LDB3: variants seen among roughly 807,000 people sequenced by gnomAD.
LDB3 encodes the protein LIM domain-binding protein 3.
In LDB3, 49 loss-of-function variants were observed where a neutral mutation model predicts 69.0. That is an observed-to-expected ratio of 0.71 (90% CI 0.56 to 0.90). The LOEUF is 0.90. LDB3 is among the 40% of genes least tolerant of loss of function. The probability of loss-of-function intolerance (pLI) is 0.00; values close to 1 mark genes in which losing one functional copy is unlikely to be tolerated. For synonymous variants in LDB3, 387 were observed against 396.2 expected (o/e 0.98, Z 0.28); for missense variants, 928 against 974.1 (o/e 0.95, Z 0.63).
chr10:86,687,596 C>G (rs527408377), intron 5 of LDB3, among the ~76,000 whole-genome samples: 25 of 152,344 alleles, frequency 1.6e-4, no homozygotes, highest in Non-Finnish European at 3.1e-4. Context: ...ACAAGGGGAC[C>G]ATTCTGGAGG....
chr10:86,685,587 T>A, intron 5 of LDB3: 1 of 1,340,964 alleles, frequency 7.5e-7, no homozygotes, highest in South Asian at 1.2e-5. Context: ...GCCTCCACAA[T>A]GACCAGGCTG....
rs532350851 is a variant in LDB3 at position 86,702,103 on chromosome 10, G to A, written c.897-4428G>A. 2.0e-5 allele frequency among the ~76,000 whole-genome samples: 3 copies of A among 152,254 alleles called. No homozygotes were observed. The South Asian group carries it at 6.2e-4, about 32-fold the overall frequency. ...AAGGTGGAACATAGACCAGGTGGGTGGCAGCATGAATAATTTCAAGACCAA... is the reference window on the plus strand; with the variant it reads ...AAGGTGGAACATAGACCAGGTGGGTAGCAGCATGAATAATTTCAAGACCAA... On this transcript the variant is annotated intron_variant, in intron 7 of 13. Coordinates refer to ENST00000361373, the MANE Select transcript of LDB3 (RefSeq NM_007078.3).
chr10:86,670,985 C>T (rs1380771262), intron 2 of LDB3, among the ~76,000 whole-genome samples: 3 of 152,206 alleles, frequency 2.0e-5, no homozygotes, highest in African/African-American at 4.8e-5. Flanking sequence ...TGCCGGGGCT[C>T]GCAGGGCCCT....
intron 2 of LDB3, among the ~76,000 whole-genome samples, chr10:86,670,061 C>T (rs1346583841): frequency 6.6e-6 from 1 of 152,102 alleles, no homozygotes; most frequent in Non-Finnish European, 1.5e-5. Context: ...TTGAGGGGAC[C>T]CCAGAAGTAG....
In LDB3 at chr10:86,734,383, C is replaced by T. The variant is rs375424677; in HGVS notation, c.*1407C>T. On this transcript the variant is annotated 3_prime_UTR_variant, in exon 14 of 14. Transcript: ENST00000361373. ...ATTCTGTGGTTGGAAACAGTGTAGT[C>T]GCTTCCCTTTTTAGGAAGCCCTGTT... 1.3e-5 allele frequency: 2 copies of T among 152,254 alleles called. No individual in the cohort carries two copies. The highest frequency in any genetic ancestry group is 3.9e-4 in the East Asian group (2 of 5,172). The allele number at this position is 152,254 out of a possible 1,614,324, so 9.4% of individuals were successfully genotyped here.
chr10:86,672,827 G>C (rs1844563503), intron 2 of LDB3, among the ~76,000 whole-genome samples: 1 of 152,268 alleles, frequency 6.6e-6, no homozygotes, highest in African/African-American at 2.4e-5. Context: ...CCCTGGGCCA[G>C]GACACCGTGC....
At chr10:86,707,665 A>T (rs1314193803) in intron 8 of LDB3, among the ~76,000 whole-genome samples, 2 of 152,148 alleles carry the variant, frequency 1.3e-5, no homozygotes, top group Non-Finnish European at 2.9e-5. Flanking sequence ...TGGGGAGGAC[A>T]TGCCTCTTGG....
chr10:86,695,027 G>C (rs1287046509), intron 7 of LDB3, among the ~76,000 whole-genome samples: 1 of 152,236 alleles, frequency 6.6e-6, no homozygotes, highest in Non-Finnish European at 1.5e-5. Flanking sequence ...CCCCAGGAAG[G>C]CTTCCCTGTA....
intron 12 of LDB3, among the ~76,000 whole-genome samples, chr10:86,721,973 A>T (rs910790755): frequency 1.3e-4 from 20 of 152,242 alleles, no homozygotes; most frequent in African/African-American, 4.8e-4. Context: ...AAAGGGAGAA[A>T]TAAAGGAAGG....
In LDB3 at chr10:86,735,568, T is replaced by G. The variant is rs189498419; in HGVS notation, c.*2592T>G. On this transcript the variant is annotated 3_prime_UTR_variant, in exon 14 of 14. Coordinates refer to ENST00000361373, the MANE Select transcript of LDB3 (RefSeq NM_007078.3). Reference sequence around the variant, plus strand: ...GCCGAGGCAGGTGAATCACCTGAGGTCAGGAGTTTGAAACCAGCCTGGCCA... The same window carrying G: ...GCCGAGGCAGGTGAATCACCTGAGGGCAGGAGTTTGAAACCAGCCTGGCCA... The G allele has an allele frequency of 6.6e-6, 1 of 152,140 alleles. No homozygotes were observed. Among genetic ancestry groups the G allele is most frequent in the Non-Finnish European group, 1.5e-5 (1 of 68,010 alleles). The allele number at this position is 152,140 out of a possible 1,614,324, so 9.4% of individuals were successfully genotyped here.
chr10:86,709,197 GGGA>G (rs1299432942), intron 8 of LDB3, among the ~76,000 whole-genome samples: 3 of 152,326 alleles, frequency 2.0e-5, no homozygotes, highest in African/African-American at 7.2e-5. Flanking sequence ...TCAGCTCTCT[GGGA>G]GGAGAGGCCA....
At chr10:86,677,695 GGGAACTGGCC>G (rs1350715640) in intron 2 of LDB3, among the ~76,000 whole-genome samples, 1 of 152,168 alleles carries the variant, frequency 6.6e-6, no homozygotes, top group Admixed American at 6.5e-5. Flanking sequence ...CTCAGGGTTT[GGGAACTGGCC>G]CCCGCACCTG....
At position 86,687,149 on chromosome 10, in the gene LDB3, G is replaced by A. The variant is rs775538845; in HGVS notation, c.690-4747G>A. ...ACCCACAAGCCCATCGAGGTGAAGG[G>A]GCTGGGCGGCAAGGCCACCATCATC... is the stretch of plus-strand genomic sequence containing the variant. On this transcript the variant is annotated intron_variant, in intron 5 of 13. Transcript: ENST00000361373. The A allele has an allele frequency of 1.2e-6, 2 of 1,614,212 alleles. No individual in the cohort carries two copies. The highest frequency in any genetic ancestry group is 8.5e-7 in the Non-Finnish European group (1 of 1,180,036).
At position 86,718,711 on chromosome 10, in the gene LDB3, A is replaced by C; in HGVS notation, c.1858-16A>C. 1 of 1,614,164 alleles carries C rather than the reference A, an allele frequency of 6.2e-7. No homozygotes were observed. The highest frequency in any genetic ancestry group is 8.5e-7 in the Non-Finnish European group (1 of 1,180,034). ...CCTCTCTCCTTTCTGTCCTGAGCTT[A>C]GGCTCTTTCCCCCAGGAAGTAATGC... On this transcript the variant is annotated splice_polypyrimidine_tract_variant and intron_variant, in intron 11 of 13. Transcript: ENST00000361373.
chr10:86,717,141 G>C (rs1338246712), intron 10 of LDB3, among the ~76,000 whole-genome samples: 1 of 152,296 alleles, frequency 6.6e-6, no homozygotes, highest in South Asian at 2.1e-4. Flanking sequence ...TTCCTTTAGG[G>C]TTGTTTCTGG....
chr10:86,670,724 G>A (rs987053654), intron 2 of LDB3, among the ~76,000 whole-genome samples: 7 of 152,246 alleles, frequency 4.6e-5, no homozygotes, highest in African/African-American at 1.7e-4. Flanking sequence ...AATAGAACCC[G>A]AAGCTCGGGC....
intron 12 of LDB3, among the ~76,000 whole-genome samples, chr10:86,719,825 A>G (rs549481889): frequency 6.6e-6 from 1 of 152,364 alleles, no homozygotes; most frequent in Admixed American, 6.5e-5. Context: ...TCAAGAGACA[A>G]AGCACTTCAT....
intron 7 of LDB3, among the ~76,000 whole-genome samples, chr10:86,698,569 G>C (rs1452457051): frequency 6.6e-6 from 1 of 152,222 alleles, no homozygotes; most frequent in African/African-American, 2.4e-5. Flanking sequence ...GAGCAGGTGT[G>C]GCTTGAGCCC....
intron 10 of LDB3, among the ~76,000 whole-genome samples, chr10:86,717,565 T>C (rs1355065591): frequency 6.6e-6 from 1 of 152,216 alleles, no homozygotes; most frequent in Non-Finnish European, 1.5e-5. Flanking sequence ...TAGTACCTAG[T>C]GCGTAGGATT....
Sources: allele counts gnomAD v4.1 joint callset (sites outside exome capture counted in the v4.1 genomes callset), GRCh38; gene constraint gnomAD v4.1.1; transcripts MANE v1.5; gene names NCBI Gene and HGNC (gene_info 2026-07-23, HGNC 2026-07-21).